CREBBP: variants seen among roughly 807,000 people sequenced by gnomAD.
CREBBP encodes CREB-binding protein.
CREBBP carries 19 observed loss-of-function variants against 265.0 expected under a neutral mutation model. That is an observed-to-expected ratio of 0.07 (90% CI 0.05 to 0.11). CREBBP has a LOEUF of 0.11. CREBBP is among the 10% of genes least tolerant of loss of function. The pLI, the probability that CREBBP is intolerant of heterozygous loss-of-function variation, is 1.00. For synonymous variants in CREBBP, 1,457 were observed against 1,223.7 expected, an observed-to-expected ratio of 1.19 and a Z score of -3.98; for missense variants, 2,525 against 3,219.0, an observed-to-expected ratio of 0.78 and a Z score of 5.22.
intron 5 of CREBBP, among the ~76,000 whole-genome samples, chr16:3,791,732 A>G (rs2053511875): frequency 6.6e-6 from 1 of 152,184 alleles, no homozygotes; most frequent in Non-Finnish European, 1.5e-5. Context: ...CTTCAAGTGC[A>G]TGTATGCAGG....
chr16:3,831,026 C>T (rs866324026), intron 2 of CREBBP, among the ~76,000 whole-genome samples: 4 of 152,124 alleles, frequency 2.6e-5, no homozygotes, highest in East Asian at 3.8e-4. Context: ...GTGATCTGTC[C>T]GCCTTGGCCT....
intron 23 of CREBBP, chr16:3,742,967 G>C (rs897845800): frequency 6.6e-6 from 1 of 152,112 alleles, no homozygotes; most frequent in Non-Finnish European, 1.5e-5. Flanking sequence ...ACTGTTCTAC[G>C]GAGGCCTAGT....
intron 24 of CREBBP, among the ~76,000 whole-genome samples, chr16:3,740,029 A>C (rs2052163072): frequency 6.6e-6 from 1 of 152,260 alleles, no homozygotes; most frequent in South Asian, 2.1e-4. Flanking sequence ...CCAGCAGTGG[A>C]TGCTGGAAAC....
intron 2 of CREBBP, among the ~76,000 whole-genome samples, chr16:3,823,479 G>A (rs578101949): frequency 6.6e-6 from 1 of 152,136 alleles, no homozygotes; most frequent in African/African-American, 2.4e-5. Flanking sequence ...GACATTTCAA[G>A]GAGCCTCAGC....
chr16:3,786,955 C>T (rs889557645), intron 5 of CREBBP, among the ~76,000 whole-genome samples: 1 of 152,004 alleles, frequency 6.6e-6, no homozygotes, highest in African/African-American at 2.4e-5. Context: ...TGCCTGTAAT[C>T]CCAGCTACTC....
chr16:3,739,092 C>G (rs979585912), intron 25 of CREBBP, among the ~76,000 whole-genome samples: 4 of 152,184 alleles, frequency 2.6e-5, no homozygotes, highest in Non-Finnish European at 2.9e-5. Context: ...AACCAAAACC[C>G]AAAAACCAAC....
intron 2 of CREBBP, among the ~76,000 whole-genome samples, chr16:3,824,322 G>A (rs1224816732): frequency 6.6e-6 from 1 of 152,254 alleles, no homozygotes; most frequent in African/African-American, 2.4e-5. Context: ...GATGGGCCTG[G>A]ATAGCCATGA....
intron 11 of CREBBP, among the ~76,000 whole-genome samples, chr16:3,776,734 C>G (rs756439167): frequency 6.6e-6 from 1 of 152,058 alleles, no homozygotes; most frequent in Non-Finnish European, 1.5e-5. Flanking sequence ...AAAAGCTGGC[C>G]GGGTGCAGTG....
intron 2 of CREBBP, among the ~76,000 whole-genome samples, chr16:3,834,705 T>C (rs1242461248): frequency 2.0e-5 from 3 of 152,178 alleles, no homozygotes; most frequent in Admixed American, 6.5e-5. Flanking sequence ...TATAGGTTTA[T>C]TGATTGTGAC....
chr16:3,736,049 C>A lies in CREBBP; in HGVS notation c.4715G>T (p.Ser1572Ile). ...AAGGGTCTGTACCTCAGTGGTTTCA[C>A]TGGCTGCAGTGCTCTCTTCCTTTTT... Reference protein sequence around the residue: ...ERKKEESTAASETTEGSQGDS... With the variant: ...ERKKEESTAAIETTEGSQGDS... The change falls in exon 28 of 31, where the codon AGT (serine) becomes ATT (isoleucine). Residue 1572 changes from serine to isoleucine, a missense_variant. Transcript: ENST00000262367. The A allele has an allele frequency of 6.2e-7, 1 of 1,614,234 alleles. No individual in the cohort carries two copies. Among genetic ancestry groups the A allele is most frequent in the Non-Finnish European group, 8.5e-7 (1 of 1,180,030 alleles).
chr16:3,782,506 A>G (rs1465387015), intron 6 of CREBBP, among the ~76,000 whole-genome samples, 178 bp downstream of exon 6: 3 of 152,262 alleles, frequency 2.0e-5, no homozygotes, highest in African/African-American at 7.2e-5. Context: ...TGCTCTTTTT[A>G]TAAGCATGTA....
At position 3,849,434 on chromosome 16, in the gene CREBBP, T is replaced by TGTGTGTGTG. The variant is rs1567360304; in HGVS notation, c.798+854_798+862dup. 2.2e-3 allele frequency among the ~76,000 whole-genome samples: 22 copies of TGTGTGTGTG among 10,084 alleles called. 1 individual carries two copies. The highest frequency in any genetic ancestry group is 9.7e-3 in the Non-Finnish European group (12 of 1,242). The allele number at this position is 10,084 out of a possible 152,430, so 6.6% of individuals were successfully genotyped here. ...GTGTGTGTGTGTGTGTGTGTGTGTG[T>TGTGTGTGTG]GTGTGTGTGTGTGTGTGTGTGTGTG... On this transcript the variant is annotated intron_variant, in intron 2 of 30. Transcript: ENST00000262367.
At position 3,777,635 on chromosome 16, in the gene CREBBP, C is replaced by T; in HGVS notation, c.2136G>A (p.Val712=). ...RPPNGPLSLP[V]NRMQVSQGMN... is the part of the protein sequence containing the mutation. ...TACCTTGAGAAACTTGCATGCGATT[C>T]ACTGGCAGGGACAGGGGTCCATCTA... Residue 712 remains valine, a synonymous_variant, in exon 11 of 31, where the codon GTG becomes GTA. Transcript: ENST00000262367. The T allele has an allele frequency of 6.2e-7, 1 of 1,614,114 alleles. No homozygotes were observed.
chr16:3,740,459 A>G lies in CREBBP; in HGVS notation c.4073T>C (p.Phe1358Ser), dbSNP rs762638591. Residue 1358 changes from phenylalanine to serine, a missense_variant, in exon 24 of 31, where the codon TTT becomes TCT. By Grantham distance (155) the Phe-to-Ser change is radical (BLOSUM62 -2). Around this residue, in one of 19 missense-constraint regions of CREBBP, gnomAD observed 252 missense variants for 452.5 expected, o/e 0.56. Coordinates refer to ENST00000262367, the MANE Select transcript of CREBBP (RefSeq NM_004380.3). ...GTCTGAGCTGGCCACCACTCGGACAAAAACCTCCCCGGCTTCAGGGTGATT... is the reference window on the plus strand; with the variant it reads ...GTCTGAGCTGGCCACCACTCGGACAGAAACCTCCCCGGCTTCAGGGTGATT... Reference protein sequence around the residue: ...RQNHPEAGEVFVRVVASSDKT... With the variant: ...RQNHPEAGEVSVRVVASSDKT... The G allele has an allele frequency of 1.1e-5, 17 of 1,614,086 alleles. No homozygotes were observed. The highest frequency in any genetic ancestry group is 4.5e-5 in the East Asian group (2 of 44,888).
At chr16:3,764,254 G>A (rs1391726187) in intron 16 of CREBBP, among the ~76,000 whole-genome samples, 1 of 151,922 alleles carries the variant, frequency 6.6e-6, no homozygotes, top group Non-Finnish European at 1.5e-5. Context: ...TTATAGGCAT[G>A]AGCCACTGCT....
chr16:3,763,989 C>T (rs959996784), intron 16 of CREBBP, among the ~76,000 whole-genome samples: 1 of 151,654 alleles, frequency 6.6e-6, no homozygotes, highest in Non-Finnish European at 1.5e-5. Context: ...GGACTACAGG[C>T]GCATGCTGCC....
intron 2 of CREBBP, among the ~76,000 whole-genome samples, chr16:3,835,311 A>G (rs1405776917): frequency 2.0e-5 from 3 of 152,164 alleles, no homozygotes; most frequent in Non-Finnish European, 4.4e-5. Context: ...GTCTTTGCAG[A>G]TGACCTGCGG....
chr16:3,808,022 C>T (rs2053863973), intron 3 of CREBBP, among the ~76,000 whole-genome samples: 8 of 151,854 alleles, frequency 5.3e-5, no homozygotes, highest in Admixed American at 2.6e-4. Flanking sequence ...CACCAGGCAA[C>T]CAATGCAGTT....
intron 13 of CREBBP, among the ~76,000 whole-genome samples, chr16:3,771,830 AGAC>A (rs1406201970): frequency 1.7e-3 from 249 of 150,132 alleles, no homozygotes; most frequent in African/African-American, 5.5e-3. Context: ...AAAAAAAAAA[AGAC>A]AGAGTCTCGC....
Sources: gnomAD v4.1 joint callset for allele counts (sites outside exome capture counted in the v4.1 genomes callset) on GRCh38, gnomAD v4.1.1 for gene constraint, gnomAD v4.1.1 regional missense constraint, MANE v1.5 for transcripts, NCBI Gene and HGNC (gene_info 2026-07-23, HGNC 2026-07-21) for gene names.